Variants in ARHGAP32 observed in about 807,000 individuals in gnomAD.
ARHGAP32 encodes the protein Rho GTPase activating protein 32, also known as rho GTPase-activating protein 32.
ARHGAP32 carries 51 observed loss-of-function variants against 186.5 expected under a neutral mutation model. The observed-to-expected ratio is 0.27, with a 90% CI of 0.22 to 0.35. The LOEUF is 0.35. ARHGAP32 is among the 10% of genes least tolerant of loss of function. The probability of loss-of-function intolerance (pLI) is 1.00; values close to 1 mark genes in which losing one functional copy is unlikely to be tolerated. For missense variants in ARHGAP32, 2,186 were observed against 2,623.5 expected, an observed-to-expected ratio of 0.83 and a Z score of 3.64; for synonymous variants, 950 against 964.3, an observed-to-expected ratio of 0.99 and a Z score of 0.27.
chr11:129,236,625 C>T (rs1329163321), intron 1 of ARHGAP32, among the ~76,000 whole-genome samples: 4 of 152,186 alleles, frequency 2.6e-5, no homozygotes, highest in Non-Finnish European at 4.4e-5. Context: ...CTGCTGAATT[C>T]ATTTACCAAT....
chr11:129,201,697 A>G (rs1226870195), intron 1 of ARHGAP32, among the ~76,000 whole-genome samples: 1 of 152,158 alleles, frequency 6.6e-6, no homozygotes, highest in Non-Finnish European at 1.5e-5. Context: ...AAACAAAAAC[A>G]CAGCCAGGTG....
chr11:129,073,849 GA>G (rs1940949154), intron 6 of ARHGAP32, among the ~76,000 whole-genome samples: 2 of 151,802 alleles, frequency 1.3e-5, no homozygotes, highest in Admixed American at 6.6e-5. Context: ...GTTTGCGGGG[GA>G]AACACCTTAC....
chr11:129,103,809 A>T (rs1253508253), intron 5 of ARHGAP32, among the ~76,000 whole-genome samples: 1 of 152,076 alleles, frequency 6.6e-6, no homozygotes, highest in Non-Finnish European at 1.5e-5. Flanking sequence ...TCAGAAATTA[A>T]GCAACATAAA....
chr11:129,275,202 G>A (rs373629508), intron 1 of ARHGAP32, among the ~76,000 whole-genome samples: 3 of 152,162 alleles, frequency 2.0e-5, no homozygotes, highest in Admixed American at 1.3e-4. Flanking sequence ...TAATCTGGAG[G>A]TGATGGTAAT....
At chr11:128,977,476 A>T (rs756935881) in intron 19 of ARHGAP32, among the ~76,000 whole-genome samples, 2 of 151,518 alleles carry the variant, frequency 1.3e-5, no homozygotes, top group African/African-American at 4.9e-5. Flanking sequence ...ACCTTTAAAC[A>T]TTGCTTCTCT....
chr11:129,008,455 C>T (rs1937903357), intron 11 of ARHGAP32, among the ~76,000 whole-genome samples: 1 of 152,164 alleles, frequency 6.6e-6, no homozygotes, highest in Non-Finnish European at 1.5e-5. Context: ...TAGACATCTG[C>T]CATCCATTTC....
At chr11:128,998,139 A>G (rs1946252822) in intron 12 of ARHGAP32, among the ~76,000 whole-genome samples, 180 bp downstream of exon 12, 1 of 152,198 alleles carries the variant, frequency 6.6e-6, no homozygotes, top group African/African-American at 2.4e-5. Context: ...GCCAAAGTGC[A>G]TTCTTAGACT....
At position 129,123,451 on chromosome 11, in the gene ARHGAP32, T is replaced by C. The variant is rs1454276844; in HGVS notation, c.439A>G (p.Ile147Val). Residue 147 changes from isoleucine to valine, a missense_variant, in exon 5 of 23, where the codon ATA (isoleucine) becomes GTA (valine). Ile to Val is a conservative substitution (Grantham distance 29). Transcript: ENST00000682385. This position sits in a 1 kb window ranked among gnomAD's most constrained non-coding sequence, Gnocchi z 4.6. ...FHYENVEFGS[I>V]QLSLSEEQNE... Reference sequence around the variant, plus strand: ...TAAGAAATATTTCAGTATACCTGTATGCTGCCGAACTCAACATTCTCATAA... The same window carrying C: ...TAAGAAATATTTCAGTATACCTGTACGCTGCCGAACTCAACATTCTCATAA... The C allele has an allele frequency of 6.2e-7, 1 of 1,612,350 alleles. No individual in the cohort carries two copies. The highest frequency in any genetic ancestry group is 8.5e-7 in the Non-Finnish European group (1 of 1,178,728).
intron 6 of ARHGAP32, among the ~76,000 whole-genome samples, chr11:129,072,057 A>C (rs1940886742): frequency 6.6e-6 from 1 of 152,170 alleles, no homozygotes. Flanking sequence ...GAGGATAGGG[A>C]AAGTGAAGAG....
intron 6 of ARHGAP32, among the ~76,000 whole-genome samples, chr11:129,091,975 A>C (rs1379483800): frequency 6.6e-6 from 1 of 152,020 alleles, no homozygotes. Context: ...ATGATTACAT[A>C]CAATGAGGCA....
At chr11:129,023,008 T>C (rs901343637) in intron 11 of ARHGAP32, among the ~76,000 whole-genome samples, 2 of 152,120 alleles carry the variant, frequency 1.3e-5, no homozygotes, top group Non-Finnish European at 2.9e-5. Context: ...AATTCCCCCA[T>C]TTATGGTTTT....
chr11:129,244,842 G>A (rs1461697820), intron 1 of ARHGAP32, among the ~76,000 whole-genome samples: 1 of 149,986 alleles, frequency 6.7e-6, no homozygotes, highest in Non-Finnish European at 1.5e-5. Flanking sequence ...AAAAACACAT[G>A]AAAAAATGCT....
At chr11:129,237,381 G>A (rs909797246) in intron 1 of ARHGAP32, among the ~76,000 whole-genome samples, 6 of 152,262 alleles carry the variant, frequency 3.9e-5, no homozygotes, top group African/African-American at 1.4e-4. Flanking sequence ...CCTAGCTGAT[G>A]AGAAAACTTC....
rs200513059 is a variant in ARHGAP32, at chr11:129,246,452, AATAAG to A, written c.-5+32689_-5+32693del. Among the ~76,000 whole-genome samples, 162 of 152,306 alleles carry A rather than the reference AATAAG, an allele frequency of 1.1e-3. 3 individuals are homozygous for A. The East Asian group carries it at 0.025, about 23-fold the overall frequency. On this transcript the variant is annotated intron_variant, in intron 1 of 6. Transcript: ENST00000525234. ...AAATTAGTAAAATGTTTTGATAATGAATAAGATAAGTAAGAAAAAGATAAATTTTA... is the reference window on the plus strand; with the variant it reads ...AAATTAGTAAAATGTTTTGATAATGAATAAGTAAGAAAAAGATAAATTTTA...
Position 128,968,964 on chromosome 11 carries a change from G to C in ARHGAP32, c.6249C>G (p.Ala2083=), listed in dbSNP as rs1377781550. The C allele has an allele frequency of 1.9e-6, 3 of 1,572,992 alleles. No homozygotes were observed. The South Asian group carries it at 3.5e-5, about 18-fold the overall frequency. The part of the protein sequence containing the change: ...RTYATALGQG[A]FLPAELSLQH... ...GCAAGGACAACTCTGCGGGCAGGAA[G>C]GCCCCTTGACCCAACGCTGTAGCAT... The change falls in exon 23 of 23, where the codon GCC becomes GCG. Residue 2083 remains alanine (A), a synonymous_variant. Coordinates refer to ENST00000682385, the MANE Select transcript of ARHGAP32 (RefSeq NM_001378024.1).
chr11:129,132,625 G>A (rs1186512624), intron 2 of ARHGAP32, among the ~76,000 whole-genome samples: 4 of 152,148 alleles, frequency 2.6e-5, no homozygotes, highest in African/African-American at 4.8e-5. Context: ...ACACTCTCCA[G>A]AGGATTTCAA....
intron 2 of ARHGAP32, among the ~76,000 whole-genome samples, chr11:129,136,759 A>G (rs1200434014): frequency 6.6e-6 from 1 of 152,074 alleles, no homozygotes; most frequent in East Asian, 1.9e-4. Context: ...ATTGCAATAG[A>G]TAACAGAAAA....
At chr11:129,226,001 T>C (rs552158204) in intron 1 of ARHGAP32, among the ~76,000 whole-genome samples, 5 of 152,216 alleles carry the variant, frequency 3.3e-5, no homozygotes, top group African/African-American at 1.2e-4. Context: ...ACAGCAAATC[T>C]GAGAAAATGG....
intron 6 of ARHGAP32, among the ~76,000 whole-genome samples, chr11:129,088,812 G>C (rs937095422): frequency 6.6e-6 from 1 of 152,080 alleles, no homozygotes; most frequent in Non-Finnish European, 1.5e-5. Flanking sequence ...GGAGGCAGAG[G>C]TAAGTGGATC....
Sources: gnomAD v4.1 joint callset for allele counts (sites outside exome capture counted in the v4.1 genomes callset) on GRCh38, gnomAD v4.1.1 for gene constraint, Gnocchi (gnomAD v3.1) non-coding constraint, MANE v1.5 for transcripts, NCBI Gene and HGNC (gene_info 2026-07-23, HGNC 2026-07-21) for gene names.